SP8: variants seen among roughly 807,000 people sequenced by gnomAD.
SP8 encodes the protein Sp8 transcription factor, also known as transcription factor Sp8.
A neutral mutation model predicts 15.3 loss-of-function variants in SP8; 7 were observed. That is an observed-to-expected ratio of 0.46 (90% confidence interval 0.26 to 0.86). The LOEUF (loss-of-function observed/expected upper bound fraction) is 0.86, where lower values mean the gene tolerates loss of function less well. Ranked by LOEUF, SP8 falls within the 40% of genes least tolerant of loss-of-function variation. The probability of loss-of-function intolerance (pLI) is 0.16; values close to 1 mark genes in which losing one functional copy is unlikely to be tolerated. For synonymous variants in SP8, 415 were observed against 356.3 expected, an observed-to-expected ratio of 1.16 and a Z score of -1.86; for missense variants, 731 against 736.4, an observed-to-expected ratio of 0.99 and a Z score of 0.09.
In SP8 at chr7:20,785,169, A is replaced by G. The variant is rs2128063504; in HGVS notation, c.648T>C (p.Ala216=). 1 of 1,597,564 alleles carries G rather than the reference A, an allele frequency of 6.3e-7. No individual in the cohort carries two copies. Among genetic ancestry groups the G allele is most frequent in the East Asian group, 2.3e-5 (1 of 43,960 alleles). ...CGCCGGCCGAGCCCACCTCGCCCGC[A>G]GCACCCAGGCCCGGGTGCGAGGGCT... ...WFKPSHPGLG[A]AGEVGSAGAS... is the part of the protein sequence containing the mutation. Residue 216 remains alanine, a synonymous_variant, in exon 2 of 2, where the codon GCT becomes GCC. Transcript: ENST00000418710. This position sits in a 1 kb window ranked among gnomAD's most constrained non-coding sequence, Gnocchi z 7.2.
At position 20,784,421 on chromosome 7, in the gene SP8, C is replaced by G. The variant is rs1355287519; in HGVS notation, c.1396G>C (p.Ala466Pro). 6.5e-7 allele frequency: 1 copy of G among 1,532,422 alleles called. No individual in the cohort carries two copies. Among genetic ancestry groups the G allele is most frequent in the Admixed American group, 2.0e-5 (1 of 50,420 alleles). The allele number at this position is 1,532,422 out of a possible 1,614,324, so 94.9% of individuals were successfully genotyped here. A position where few individuals can be genotyped will look rare whatever the true frequency, so the allele number is the denominator to read the frequency against. ...TTCTTGCCGCCGCTGCCCGAGCCCG[C>G]CGAGCCGCCGCCGCCGCCGCCGCCA... ...HSGGGGGGGS[A>P]GSGSGGKKGS... The change falls in exon 2 of 2, where the codon GCG becomes CCG. Residue 466 changes from alanine (A) to proline (P), a missense_variant. Ala to Pro is a conservative substitution (Grantham distance 27, BLOSUM62 -1). Transcript: ENST00000418710.
In SP8 at chr7:20,784,159, G is replaced by A; in HGVS notation, c.*131C>T. ...AGTCACAGAAGGAAGAAGGAAGAGG[G>A]GCAGAAACAGAAAGAGACAGAGAGC... On this transcript the variant is annotated 3_prime_UTR_variant, in exon 2 of 2. Transcript: ENST00000418710. 1.2e-6 allele frequency: 1 copy of A among 808,460 alleles called. No individual in the cohort carries two copies. Among genetic ancestry groups the A allele is most frequent in the Non-Finnish European group, 1.8e-6 (1 of 567,848 alleles). The allele number at this position is 808,460 out of a possible 1,614,324, so 50.1% of individuals were successfully genotyped here. A position where few individuals can be genotyped will look rare whatever the true frequency, so the allele number is the denominator to read the frequency against.
In SP8 at chr7:20,785,676, G is replaced by A. The variant is rs754508658; in HGVS notation, c.141C>T (p.Gly47=). 6.2e-7 allele frequency: 1 copy of A among 1,613,992 alleles called. No individual in the cohort carries two copies. The highest frequency in any genetic ancestry group is 8.5e-7 in the Non-Finnish European group (1 of 1,179,992). ...ACGAGGAGCGTTTCCAGGGGTGGAAGCCTTTGCCGAAGGAAGAAGAGCTGT... is the reference window on the plus strand; with the variant it reads ...ACGAGGAGCGTTTCCAGGGGTGGAAACCTTTGCCGAAGGAAGAAGAGCTGT... ...LSDSSSSFGK[G]FHPWKRSSSS... Residue 47 remains glycine (G), a synonymous_variant, in exon 2 of 2, where the codon GGC becomes GGT. Transcript: ENST00000418710. The surrounding 1 kb of genome is among the most constrained non-coding windows in gnomAD (Gnocchi z 7.2).
Position 20,783,932 on chromosome 7 carries a change from G to GC in SP8, c.*357_*358insG, listed in dbSNP as rs11435611. ...TAGTCCAGCTCTACCTCCAGTGGCCGTTCCCTCTAAAAGTTACGCCCTTCA... is the reference window on the plus strand; with the variant it reads ...TAGTCCAGCTCTACCTCCAGTGGCCGCTTCCCTCTAAAAGTTACGCCCTTCA... On this transcript the variant is annotated 3_prime_UTR_variant, in exon 2 of 2. Coordinates refer to ENST00000418710, the MANE Select transcript of SP8 (RefSeq NM_182700.6). 1 allele frequency: 257,638 copies of GC among 257,642 alleles called. 128,817 individuals carry two copies. Among genetic ancestry groups the GC allele is most frequent in the Middle Eastern group, 1 (884 of 884 alleles). The allele number at this position is 257,642 out of a possible 1,614,324, so 16.0% of individuals were successfully genotyped here.
rs562359078 is a variant in SP8, at chr7:20,786,195, C to A, written c.22-400G>T. Among the ~76,000 whole-genome samples, 11 of 152,138 alleles carry A rather than the reference C, an allele frequency of 7.2e-5. No homozygotes were observed. Among genetic ancestry groups the A allele is most frequent in the Non-Finnish European group, 1.6e-4 (11 of 68,036 alleles). Reference sequence around the variant, plus strand: ...AGCCTGGGGGAAAACCATTGGATTGCTTTTAAGAGCGCTTCCCTGTAATCC... The same window carrying A: ...AGCCTGGGGGAAAACCATTGGATTGATTTTAAGAGCGCTTCCCTGTAATCC... On this transcript the variant is annotated intron_variant, in intron 1 of 1. Coordinates refer to ENST00000418710, the MANE Select transcript of SP8 (RefSeq NM_182700.6). The surrounding 1 kb of genome is among the most constrained non-coding windows in gnomAD (Gnocchi z 4.4).
At position 20,785,628 on chromosome 7, in the gene SP8, G is replaced by A. The variant is rs775508561; in HGVS notation, c.189C>T (p.Asn63=). The change falls in exon 2 of 2, where the codon AAC becomes AAT. Residue 63 remains asparagine (N), a synonymous_variant. Transcript: ENST00000418710. This position sits in a 1 kb window ranked among gnomAD's most constrained non-coding sequence, Gnocchi z 7.2. ...RSSSSSSASC[N]VVGSSLSSFG... ...AGCTTGAGAGACTGGAACCCACTACGTTGCAGCTGGCGGAAGAAGAGGACG... is the reference window on the plus strand; with the variant it reads ...AGCTTGAGAGACTGGAACCCACTACATTGCAGCTGGCGGAAGAAGAGGACG... 6.2e-7 allele frequency: 1 copy of A among 1,607,372 alleles called. No homozygotes were observed. Among genetic ancestry groups the A allele is most frequent in the South Asian group, 1.1e-5 (1 of 90,972 alleles).
Position 20,783,979 on chromosome 7 carries a change from G to A in SP8, c.*311C>T. ...TTCACAACCTGGGGGGTGGAGGAGG[G>A]GAGGACAAGGAAGAGAGAACGAGAA... On this transcript the variant is annotated 3_prime_UTR_variant, in exon 2 of 2. Transcript: ENST00000418710. 1 of 388,044 alleles carries A rather than the reference G, an allele frequency of 2.6e-6. No homozygotes were observed. The allele number at this position is 388,044 out of a possible 1,614,324, so 24.0% of individuals were successfully genotyped here.
rs1430796903 is a variant in SP8 at position 20,783,312 on chromosome 7, A to G, written c.*978T>C. The G allele has an allele frequency of 1.3e-5, 2 of 152,608 alleles. No homozygotes were observed. Among genetic ancestry groups the G allele is most frequent in the Non-Finnish European group, 2.9e-5 (2 of 68,050 alleles). 9.5% of individuals were successfully genotyped at this position (152,608 alleles called of 1,614,324 possible). On this transcript the variant is annotated 3_prime_UTR_variant, in exon 2 of 2. Transcript: ENST00000418710. The stretch of plus-strand genomic sequence containing the variant: ...AGTTAATCTGGTCTCACCGGAAAGG[A>G]GTATTTTTGCATAAGAAAAAAGCAC...
chr7:20,785,337 CCCGCCGCCGCCG>C lies in SP8; in HGVS notation c.468_479del (p.Gly162_Gly165del). On this transcript the variant is annotated inframe_deletion, in exon 2 of 2. Coordinates refer to ENST00000418710, the MANE Select transcript of SP8 (RefSeq NM_182700.6). The surrounding 1 kb of genome is among the most constrained non-coding windows in gnomAD (Gnocchi z 7.2). ...GCGCGGAGGAGCCGCCGCCGCCGCC[CCCGCCGCCGCCG>C]CCGCTGCCCCCGGAAACTCCGGGGG... is the stretch of plus-strand genomic sequence containing the variant. 7.3e-7 allele frequency: 1 copy of C among 1,371,938 alleles called. No individual in the cohort carries two copies. The allele number at this position is 1,371,938 out of a possible 1,614,324, so 85.0% of individuals were successfully genotyped here.
chr7:20,785,491 C>A lies in SP8; in HGVS notation c.326G>T (p.Gly109Val). Residue 109 changes from glycine (G) to valine (V), a missense_variant, in exon 2 of 2, where the codon GGC (glycine) becomes GTC (valine). Coordinates refer to ENST00000418710, the MANE Select transcript of SP8 (RefSeq NM_182700.6). This position sits in a 1 kb window ranked among gnomAD's most constrained non-coding sequence, Gnocchi z 7.2. ...GGAGAAGGCGCTGGAGCCAGGCGAG[C>A]CGCCGCAGCTGAACGAGTCGGACAC... is the stretch of plus-strand genomic sequence containing the variant. Reference protein sequence around the residue: ...ALVSDSFSCGGSPGSSAFSLT... With the variant: ...ALVSDSFSCGVSPGSSAFSLT... 1 of 1,422,364 alleles carries A rather than the reference C, an allele frequency of 7.0e-7. No homozygotes were observed. The highest frequency in any genetic ancestry group is 9.1e-7 in the Non-Finnish European group (1 of 1,098,542). 88.1% of individuals were successfully genotyped at this position (1,422,364 alleles called of 1,614,324 possible). A position where few individuals can be genotyped will look rare whatever the true frequency, so the allele number is the denominator to read the frequency against.
chr7:20,785,163 G>A lies in SP8; in HGVS notation c.654C>T (p.Gly218=), dbSNP rs1285743508. The change falls in exon 2 of 2, where the codon GGC becomes GGT. Residue 218 remains glycine (G), a synonymous_variant. Coordinates refer to ENST00000418710, the MANE Select transcript of SP8 (RefSeq NM_182700.6). This position sits in a 1 kb window ranked among gnomAD's most constrained non-coding sequence, Gnocchi z 7.2. Reference sequence around the variant, plus strand: ...TGGAGGCGCCGGCCGAGCCCACCTCGCCCGCAGCACCCAGGCCCGGGTGCG... The same window carrying A: ...TGGAGGCGCCGGCCGAGCCCACCTCACCCGCAGCACCCAGGCCCGGGTGCG... ...KPSHPGLGAA[G]EVGSAGASSW... The A allele has an allele frequency of 1.9e-6, 3 of 1,596,158 alleles. No individual in the cohort carries two copies. Among genetic ancestry groups the A allele is most frequent in the Non-Finnish European group, 2.6e-6 (3 of 1,173,216 alleles).
At position 20,784,956 on chromosome 7, in the gene SP8, C is replaced by T; in HGVS notation, c.861G>A (p.Ser287=). 6.4e-7 allele frequency: 1 copy of T among 1,560,480 alleles called. No individual in the cohort carries two copies. Among genetic ancestry groups the T allele is most frequent in the Non-Finnish European group, 8.6e-7 (1 of 1,160,244 alleles). The change falls in exon 2 of 2, where the codon TCG becomes TCA. Residue 287 remains serine (S), a synonymous_variant. Transcript: ENST00000418710. ...SHSAFSSGAS[S]HLLSPAGQHL... is the part of the protein sequence containing the mutation. ...GCTGCCCGGCGGGGCTGAGCAGGTGCGAGGAGGCGCCGCTGCTGAAGGCCG... is the reference window on the plus strand; with the variant it reads ...GCTGCCCGGCGGGGCTGAGCAGGTGTGAGGAGGCGCCGCTGCTGAAGGCCG...
Position 20,785,354 on chromosome 7 carries a change from T to C in SP8, c.463A>G (p.Ser155Gly), listed in dbSNP as rs750685504. 44 of 1,335,252 alleles carry C rather than the reference T, an allele frequency of 3.3e-5. No individual in the cohort carries two copies. The Admixed American group carries it at 1.0e-3, about 31-fold the overall frequency. 82.7% of individuals were successfully genotyped at this position (1,335,252 alleles called of 1,614,324 possible). A position where few individuals can be genotyped will look rare whatever the true frequency, so the allele number is the denominator to read the frequency against. Residue 155 changes from serine (S) to glycine (G), a missense_variant, in exon 2 of 2, where the codon AGC (serine) becomes GGC (glycine). Physicochemically the swap from Ser to Gly is moderately conservative, Grantham distance 56. This residue lies in a region of SP8 where 586 missense variants were observed against 524.9 expected (regional missense o/e 1.12). Coordinates refer to ENST00000418710, the MANE Select transcript of SP8 (RefSeq NM_182700.6). This position sits in a 1 kb window ranked among gnomAD's most constrained non-coding sequence, Gnocchi z 7.2. The part of the protein sequence containing the change: ...VFQAPGVSGG[S>G]GGGGGGGGGG... ...CCGCCGCCCCCGCCGCCGCCGCCGC[T>C]GCCCCCGGAAACTCCGGGGGCCTGG...
At position 20,785,395 on chromosome 7, in the gene SP8, T is replaced by G. The variant is rs1411525615; in HGVS notation, c.422A>C (p.Asn141Thr). Residue 141 changes from asparagine to threonine, a missense_variant, in exon 2 of 2, where the codon AAC becomes ACC. Physicochemically the swap from Asn to Thr is moderately conservative, Grantham distance 65. Transcript: ENST00000418710. The surrounding 1 kb of genome is among the most constrained non-coding windows in gnomAD (Gnocchi z 7.2). Reference sequence around the variant, plus strand: ...GGGGGCCTGGAAAACAGAGTAGTCGTTGGCGAAGGGCGAGCTGGAGGCGGC... The same window carrying G: ...GGGGGCCTGGAAAACAGAGTAGTCGGTGGCGAAGGGCGAGCTGGAGGCGGC... Reference protein sequence around the residue: ...AAAASSSPFANDYSVFQAPGV... With the variant: ...AAAASSSPFATDYSVFQAPGV... 5 of 1,246,540 alleles carry G rather than the reference T, an allele frequency of 4.0e-6. No homozygotes were observed. In the African/African-American group the frequency reaches 8.1e-5, roughly 20 times the overall value. 77.2% of individuals were successfully genotyped at this position (1,246,540 alleles called of 1,614,324 possible).
Position 20,783,695 on chromosome 7 carries a change from C to G in SP8, c.*595G>C, listed in dbSNP as rs1029765393. 4 of 152,742 alleles carry G rather than the reference C, an allele frequency of 2.6e-5. No individual in the cohort carries two copies. The highest frequency in any genetic ancestry group is 9.6e-5 in the African/African-American group (4 of 41,476). The allele number at this position is 152,742 out of a possible 1,614,324, so 9.5% of individuals were successfully genotyped here. On this transcript the variant is annotated 3_prime_UTR_variant, in exon 2 of 2. Transcript: ENST00000418710. ...AGTCACCCCCACCAAGCCCCGACAG[C>G]CTGAGTAGGACGTCCGGCGATGCCC...
At position 20,783,424 on chromosome 7, in the gene SP8, G is replaced by A. The variant is rs375921320; in HGVS notation, c.*866C>T. 1 of 596 alleles carries A rather than the reference G, an allele frequency of 1.7e-3. No homozygotes were observed. Among genetic ancestry groups the A allele is most frequent in the Non-Finnish European group, 0.015 (1 of 66 alleles). 0.0% of individuals were successfully genotyped at this position (596 alleles called of 1,614,324 possible). A position where few individuals can be genotyped will look rare whatever the true frequency, so the allele number is the denominator to read the frequency against. ...TCAATATTAGCAGTTTCGAGAGAAA[G>A]ATTGCTCCCCGTTAGAGGAAAAAAC... On this transcript the variant is annotated 3_prime_UTR_variant, in exon 2 of 2. Transcript: ENST00000418710.
rs1282838496 is a variant in SP8 at position 20,783,299 on chromosome 7, C to T, written c.*991G>A. On this transcript the variant is annotated 3_prime_UTR_variant, in exon 2 of 2. Coordinates refer to ENST00000418710, the MANE Select transcript of SP8 (RefSeq NM_182700.6). ...CAAACATGGAGATAGTTAATCTGGT[C>T]TCACCGGAAAGGAGTATTTTTGCAT... 1 of 152,502 alleles carries T rather than the reference C, an allele frequency of 6.6e-6. No homozygotes were observed. The highest frequency in any genetic ancestry group is 1.5e-5 in the Non-Finnish European group (1 of 68,028). The allele number at this position is 152,502 out of a possible 1,614,324, so 9.4% of individuals were successfully genotyped here. A position where few individuals can be genotyped will look rare whatever the true frequency, so the allele number is the denominator to read the frequency against.
chr7:20,782,526 G>A lies in SP8; in HGVS notation c.*1764C>T, dbSNP rs1335631441. ...CTTCAGGAAATACACAAAGGCCAAA[G>A]TTAGTCGAGTTTCACTTGGACAATT... On this transcript the variant is annotated 3_prime_UTR_variant, in exon 2 of 2. Coordinates refer to ENST00000418710, the MANE Select transcript of SP8 (RefSeq NM_182700.6). The A allele has an allele frequency of 1.3e-5, 2 of 152,058 alleles. No homozygotes were observed. Among genetic ancestry groups the A allele is most frequent in the Admixed American group, 1.3e-4 (2 of 15,194 alleles). The allele number at this position is 152,058 out of a possible 1,614,324, so 9.4% of individuals were successfully genotyped here. A position where few individuals can be genotyped will look rare whatever the true frequency, so the allele number is the denominator to read the frequency against.
In SP8 at chr7:20,784,085, GGACAGC is replaced by G; in HGVS notation, c.*199_*204del. 1 of 500,888 alleles carries G rather than the reference GGACAGC, an allele frequency of 2.0e-6. No homozygotes were observed. The highest frequency in any genetic ancestry group is 3.3e-6 in the Non-Finnish European group (1 of 306,064). 31.0% of individuals were successfully genotyped at this position (500,888 alleles called of 1,614,324 possible). A position where few individuals can be genotyped will look rare whatever the true frequency, so the allele number is the denominator to read the frequency against. On this transcript the variant is annotated 3_prime_UTR_variant, in exon 2 of 2. Transcript: ENST00000418710. The stretch of plus-strand genomic sequence containing the variant: ...CGTGGAAAGGGAAAGCCAGGGCCCG[GGACAGC>G]GATGCGTGTTACTTACTTGTCCATA...
Sources: allele counts gnomAD v4.1 joint callset (sites outside exome capture counted in the v4.1 genomes callset), GRCh38; gene constraint gnomAD v4.1.1; regional missense constraint gnomAD v4.1.1; non-coding constraint Gnocchi (gnomAD v3.1); transcripts MANE v1.5; gene names NCBI Gene and HGNC (gene_info 2026-07-23, HGNC 2026-07-21).